The following MFSD2B variants were observed in gnomAD, a reference collection of about 807,000 sequenced individuals.
MFSD2B encodes sphingosine-1-phosphate transporter MFSD2B.
A neutral mutation model predicts 58.4 loss-of-function variants in MFSD2B; 56 were observed. The observed-to-expected ratio is 0.96, with a 90% CI of 0.77 to 1.20. The LOEUF (loss-of-function observed/expected upper bound fraction) is 1.20, where lower values mean the gene tolerates loss of function less well. MFSD2B is among the 50% of genes most tolerant of loss of function. The probability of loss-of-function intolerance (pLI) is 0.00; values close to 1 mark genes in which losing one functional copy is unlikely to be tolerated. For missense variants in MFSD2B, 645 were observed against 667.6 expected (o/e 0.97, Z 0.37); for synonymous variants, 287 against 294.4 (o/e 0.97, Z 0.26).
Position 24,024,362 on chromosome 2 carries a change from TCA to T in MFSD2B, c.1490+96_1490+97del. 1 of 1,335,302 alleles carries T rather than the reference TCA, an allele frequency of 7.5e-7. No homozygotes were observed. Among genetic ancestry groups the T allele is most frequent in the African/African-American group, 1.4e-5 (1 of 69,096 alleles). 82.7% of individuals were successfully genotyped at this position (1,335,302 alleles called of 1,614,324 possible). On this transcript the variant is annotated intron_variant, in intron 13 of 13. Transcript: ENST00000338315. This position sits in a 1 kb window ranked among gnomAD's most constrained non-coding sequence, Gnocchi z 4.3. ...CCAGCCTGCAGACATCCCTGCTGTG[TCA>T]CACAGTCCTGCCTCTGGGACCTCTT...
At position 24,022,001 on chromosome 2, in the gene MFSD2B, T is replaced by G; in HGVS notation, c.894+31T>G. 1 of 1,613,628 alleles carries G rather than the reference T, an allele frequency of 6.2e-7. No individual in the cohort carries two copies. The highest frequency in any genetic ancestry group is 2.2e-5 in the East Asian group (1 of 44,882). ...TCTGGCCAGCTGCCCCCGACAGGCT[T>G]GGTGCTGGCCATGCTGACCTTGCAT... On this transcript the variant is annotated intron_variant, in intron 8 of 13. Coordinates refer to ENST00000338315, the MANE Select transcript of MFSD2B (RefSeq NM_001346880.2). The surrounding 1 kb of genome is among the most constrained non-coding windows in gnomAD (Gnocchi z 4.5).
chr2:24,023,343 G>A lies in MFSD2B; in HGVS notation c.1169+104G>A. 1 of 1,049,012 alleles carries A rather than the reference G, an allele frequency of 9.5e-7. No homozygotes were observed. The highest frequency in any genetic ancestry group is 1.4e-5 in the South Asian group (1 of 73,600). The allele number at this position is 1,049,012 out of a possible 1,614,324, so 65.0% of individuals were successfully genotyped here. The stretch of plus-strand genomic sequence containing the variant: ...CTGCACCCAGCCTGTGCAGGAGATG[G>A]AGGCCACCAGCTCCATCCTCAGAGC... On this transcript the variant is annotated intron_variant, in intron 11 of 13. Transcript: ENST00000338315. The surrounding 1 kb of genome is among the most constrained non-coding windows in gnomAD (Gnocchi z 5.0).
chr2:24,024,010 G>A lies in MFSD2B; in HGVS notation c.1314-85G>A, dbSNP rs1662894153. The A allele has an allele frequency of 7.4e-7, 1 of 1,345,252 alleles. No individual in the cohort carries two copies. The highest frequency in any genetic ancestry group is 1.0e-6 in the Non-Finnish European group (1 of 962,308). The allele number at this position is 1,345,252 out of a possible 1,614,324, so 83.3% of individuals were successfully genotyped here. A position where few individuals can be genotyped will look rare whatever the true frequency, so the allele number is the denominator to read the frequency against. ...TGAAGTCCACGTTTCAGGAGGGGGT[G>A]GGGTGGGGTGAGGTGTCGAGTCCCT... On this transcript the variant is annotated intron_variant, in intron 12 of 13. Coordinates refer to ENST00000338315, the MANE Select transcript of MFSD2B (RefSeq NM_001346880.2). The surrounding 1 kb of genome is among the most constrained non-coding windows in gnomAD (Gnocchi z 4.3).
In MFSD2B at chr2:24,021,970, G is replaced by A; in HGVS notation, c.894G>A (p.Gln298=). The change falls in exon 8 of 14, where the codon CAG becomes CAA. Residue 298 remains glutamine, a splice_region_variant and synonymous_variant. Coordinates refer to ENST00000338315, the MANE Select transcript of MFSD2B (RefSeq NM_001346880.2). This position sits in a 1 kb window ranked among gnomAD's most constrained non-coding sequence, Gnocchi z 5.7. ...TCCTGTTCATCTCTGCTGCTGTTCA[G>A]GTACCTCTGGCCAGCTGCCCCCGAC... ...ISFLFISAAV[Q]VEQSYLVLFC... 4.3e-6 allele frequency: 7 copies of A among 1,614,014 alleles called. No individual in the cohort carries two copies. The highest frequency in any genetic ancestry group is 5.9e-6 in the Non-Finnish European group (7 of 1,179,882).
chr2:24,013,333 A>C lies in MFSD2B; in HGVS notation c.145A>C (p.Ile49Leu). ...ATTCTGTACAAAGGTGTGCTATGGC[A>C]TTGGTGGGGTCCCCAACCAGATAGC... ...LSFCTKVCYG[I>L]GGVPNQIASS... Residue 49 changes from isoleucine to leucine, a missense_variant, in exon 2 of 14, where the codon ATT becomes CTT. Coordinates refer to ENST00000338315, the MANE Select transcript of MFSD2B (RefSeq NM_001346880.2). The C allele has an allele frequency of 6.2e-7, 1 of 1,612,456 alleles. No individual in the cohort carries two copies. Among genetic ancestry groups the C allele is most frequent in the Non-Finnish European group, 8.5e-7 (1 of 1,179,454 alleles).
chr2:24,023,849 A>G lies in MFSD2B; in HGVS notation c.1313+123A>G. ...CTGGGGCCTAAGCGCTACTCTTTGGAGAGTGTGGGGAACCACTTCCCCAGG... is the reference window on the plus strand; with the variant it reads ...CTGGGGCCTAAGCGCTACTCTTTGGGGAGTGTGGGGAACCACTTCCCCAGG... On this transcript the variant is annotated intron_variant, in intron 12 of 13. Transcript: ENST00000338315. This position sits in a 1 kb window ranked among gnomAD's most constrained non-coding sequence, Gnocchi z 5.0. 1 of 1,250,010 alleles carries G rather than the reference A, an allele frequency of 8.0e-7. No homozygotes were observed. Among genetic ancestry groups the G allele is most frequent in the Non-Finnish European group, 1.1e-6 (1 of 891,704 alleles). 77.4% of individuals were successfully genotyped at this position (1,250,010 alleles called of 1,614,324 possible).
rs1052779047 is a variant in MFSD2B, at chr2:24,022,705, G to A, written c.979-117G>A. 4.5e-6 allele frequency: 4 copies of A among 884,410 alleles called. No individual in the cohort carries two copies. Among genetic ancestry groups the A allele is most frequent in the East Asian group, 5.3e-5 (2 of 37,540 alleles). The allele number at this position is 884,410 out of a possible 1,614,324, so 54.8% of individuals were successfully genotyped here. A position where few individuals can be genotyped will look rare whatever the true frequency, so the allele number is the denominator to read the frequency against. On this transcript the variant is annotated intron_variant, in intron 9 of 13. Transcript: ENST00000338315. This position sits in a 1 kb window ranked among gnomAD's most constrained non-coding sequence, Gnocchi z 4.5. The stretch of plus-strand genomic sequence containing the variant: ...CAGGATTACAACATTCATAGCCACC[G>A]GTTTGAACCAGGGGCAAGGCCAAGG...
chr2:24,011,084 T>G (rs1708938624), intron 1 of MFSD2B, among the ~76,000 whole-genome samples: 1 of 152,156 alleles, frequency 6.6e-6, no homozygotes, highest in Non-Finnish European at 1.5e-5. Flanking sequence ...CCCCGGTCAC[T>G]CCAAGGAGAC....
rs1426418882 is a variant in MFSD2B, at chr2:24,010,127, G to A, written c.31G>A (p.Gly11Arg). 2.1e-6 allele frequency: 3 copies of A among 1,462,496 alleles called. No homozygotes were observed. Among genetic ancestry groups the A allele is most frequent in the Non-Finnish European group, 2.7e-6 (3 of 1,113,854 alleles). The allele number at this position is 1,462,496 out of a possible 1,614,324, so 90.6% of individuals were successfully genotyped here. ...GGCGCCCCCTGCACCAGCCGCCAAGGGGTCCCCGCAGCCGGAGCCGCACGC... is the reference window on the plus strand; with the variant it reads ...GGCGCCCCCTGCACCAGCCGCCAAGAGGTCCCCGCAGCCGGAGCCGCACGC... MAAPPAPAAK[G>R]SPQPEPHAPE... Residue 11 changes from glycine (G) to arginine (R), a missense_variant, in exon 1 of 14, where the codon GGG becomes AGG. Gly to Arg is a moderately radical substitution (Grantham distance 125). Coordinates refer to ENST00000338315, the MANE Select transcript of MFSD2B (RefSeq NM_001346880.2).
chr2:24,020,139 AC>A lies in MFSD2B; in HGVS notation c.682-1508del, dbSNP rs1304945321. 6.6e-6 allele frequency among the ~76,000 whole-genome samples: 1 copy of A among 152,070 alleles called. No individual in the cohort carries two copies. The highest frequency in any genetic ancestry group is 1.5e-5 in the Non-Finnish European group (1 of 68,008). ...GGTCACTTGGGGCCCTGAGCTGGGGACATGTGTGGTCCTTGATGTGACACAA... is the reference window on the plus strand; with the variant it reads ...GGTCACTTGGGGCCCTGAGCTGGGGAATGTGTGGTCCTTGATGTGACACAA... On this transcript the variant is annotated intron_variant, in intron 6 of 13. Coordinates refer to ENST00000338315, the MANE Select transcript of MFSD2B (RefSeq NM_001346880.2). The surrounding 1 kb of genome is among the most constrained non-coding windows in gnomAD (Gnocchi z 4.1).
At position 24,017,133 on chromosome 2, in the gene MFSD2B, C is replaced by T. The variant is rs1280808259; in HGVS notation, c.472-153C>T. Among the ~76,000 whole-genome samples, 2 of 152,278 alleles carry T rather than the reference C, an allele frequency of 1.3e-5. No homozygotes were observed. The highest frequency in any genetic ancestry group is 1.5e-5 in the Non-Finnish European group (1 of 68,046). On this transcript the variant is annotated intron_variant, in intron 4 of 13. Coordinates refer to ENST00000338315, the MANE Select transcript of MFSD2B (RefSeq NM_001346880.2). The surrounding 1 kb of genome is among the most constrained non-coding windows in gnomAD (Gnocchi z 4.8). ...CTTGCGCGGGACTGGCTGCCCCCTC[C>T]TGCCTTTGGGACCCTAGCTCCGACT...
At chr2:24,013,601 G>A (rs1424922350) in intron 2 of MFSD2B, among the ~76,000 whole-genome samples, 191 bp downstream of exon 2, 2 of 152,184 alleles carry the variant, frequency 1.3e-5, no homozygotes, top group Non-Finnish European at 2.9e-5. Flanking sequence ...GTGGGAAAAT[G>A]AGAAACAATG....
rs1708992021 is a variant in MFSD2B at position 24,012,458 on chromosome 2, G to A, written c.97-827G>A. On this transcript the variant is annotated intron_variant, in intron 1 of 13. Transcript: ENST00000338315. The surrounding 1 kb of genome is among the most constrained non-coding windows in gnomAD (Gnocchi z 4.5). ...GGGGTTTTGCCATGTTGGGCAGGCT[G>A]GTCTTCAACTCCTGGGCTCAAGCAA... Among the ~76,000 whole-genome samples, 1 of 152,104 alleles carries A rather than the reference G, an allele frequency of 6.6e-6. No individual in the cohort carries two copies. Among genetic ancestry groups the A allele is most frequent in the Non-Finnish European group, 1.5e-5 (1 of 68,020 alleles).
intron 2 of MFSD2B, among the ~76,000 whole-genome samples, chr2:24,014,840 C>T (rs1709083239): frequency 2.0e-5 from 3 of 152,142 alleles, no homozygotes; most frequent in Admixed American, 2.0e-4. Context: ...AGGTATCCAG[C>T]CGAGCATGGT....
chr2:24,016,350 C>G (rs1709145871), intron 3 of MFSD2B, 70 bp downstream of exon 3: 1 of 1,522,956 alleles, frequency 6.6e-7, no homozygotes, highest in Non-Finnish European at 8.9e-7. Flanking sequence ...TTGTCACAGC[C>G]CTATTTCCTA....
At position 24,017,377 on chromosome 2, in the gene MFSD2B, G is replaced by T; in HGVS notation, c.550+13G>T. 6.2e-7 allele frequency: 1 copy of T among 1,601,268 alleles called. No individual in the cohort carries two copies. The highest frequency in any genetic ancestry group is 8.5e-7 in the Non-Finnish European group (1 of 1,174,660). ...GCCACCGCCTACCGTGAGTGCAGCC[G>T]TGGGTTTCGGGTTCCAGGGAGGCAA... On this transcript the variant is annotated intron_variant, in intron 5 of 13. Transcript: ENST00000338315. This position sits in a 1 kb window ranked among gnomAD's most constrained non-coding sequence, Gnocchi z 4.8.
In MFSD2B at chr2:24,016,260, G is replaced by A. The variant is rs758085134; in HGVS notation, c.327G>A (p.Gly109=). 6.2e-6 allele frequency: 10 copies of A among 1,613,968 alleles called. No individual in the cohort carries two copies. Among genetic ancestry groups the A allele is most frequent in the Non-Finnish European group, 7.6e-6 (9 of 1,179,870 alleles). ...GFFINRSQRT[G]SGRLMPWVLG... ...TCATCAACAGGAGCCAGAGGACAGG[G>A]TCTGGACGGCTCATGCCTTGGTGAG... The change falls in exon 3 of 14, where the codon GGG becomes GGA. Residue 109 remains glycine, a synonymous_variant. Coordinates refer to ENST00000338315, the MANE Select transcript of MFSD2B (RefSeq NM_001346880.2).
chr2:24,018,173 CTCT>C (rs1403219760), intron 6 of MFSD2B: 8 of 158,518 alleles, frequency 5.0e-5, no homozygotes, highest in African/African-American at 1.4e-4. Context: ...CAGCACTGTC[CTCT>C]TCTTCTCCTC....
Position 24,017,510 on chromosome 2 carries a change from C to G in MFSD2B, c.603C>G (p.Leu201=). The change falls in exon 6 of 14, where the codon CTC becomes CTG. Residue 201 remains leucine, a synonymous_variant. Coordinates refer to ENST00000338315, the MANE Select transcript of MFSD2B (RefSeq NM_001346880.2). This position sits in a 1 kb window ranked among gnomAD's most constrained non-coding sequence, Gnocchi z 4.8. The part of the protein sequence containing the change: ...GTLMGATVHG[L]IVSGAHRPHR... ...TGATGGGGGCCACTGTCCACGGGCT[C>G]ATCGTGTCCGGCGCCCACAGACCCC... is the stretch of plus-strand genomic sequence containing the variant. The G allele has an allele frequency of 1.9e-6, 3 of 1,591,728 alleles. No individual in the cohort carries two copies. The highest frequency in any genetic ancestry group is 2.6e-6 in the Non-Finnish European group (3 of 1,169,274).
Sources: allele counts gnomAD v4.1 joint callset (sites outside exome capture counted in the v4.1 genomes callset), GRCh38; gene constraint gnomAD v4.1.1; non-coding constraint Gnocchi (gnomAD v3.1); transcripts MANE v1.5; gene names NCBI Gene and HGNC (gene_info 2026-07-23, HGNC 2026-07-21).